The following PALLD variants were observed in gnomAD, a reference collection of about 807,000 sequenced individuals.
PALLD encodes the protein palladin, cytoskeletal associated protein.
Under a neutral mutation model 123.5 loss-of-function variants are expected in PALLD, and 61 were observed. That is an observed-to-expected ratio of 0.49 (90% CI 0.40 to 0.61). The LOEUF is 0.61. Ranked by LOEUF, PALLD falls within the 20% of genes least tolerant of loss-of-function variation. PALLD has a pLI of 0.00. For synonymous variants in PALLD, 465 were observed against 496.4 expected, an observed-to-expected ratio of 0.94 and a Z score of 0.84; for missense variants, 1,273 against 1,377.0, an observed-to-expected ratio of 0.92 and a Z score of 1.20.
At chr4:168,714,154 G>A (rs1337084242) in intron 10 of PALLD, among the ~76,000 whole-genome samples, 1 of 151,772 alleles carries the variant, frequency 6.6e-6, no homozygotes, top group African/African-American at 2.4e-5. Context: ...CAAAATCAGT[G>A]GATGCTTGAT....
At chr4:168,832,220 T>C in intron 10 of PALLD, 1 of 983,244 alleles carries the variant, frequency 1.0e-6, no homozygotes, top group African/African-American at 1.7e-5. Context: ...ATGTGTGAAT[T>C]AAAGGGAGTG....
At chr4:168,702,087 C>T (rs1783730034) in intron 8 of PALLD, among the ~76,000 whole-genome samples, 1 of 152,196 alleles carries the variant, frequency 6.6e-6, no homozygotes. Context: ...GTTTTTTCAG[C>T]ATCGGGAAAC....
intron 2 of PALLD, among the ~76,000 whole-genome samples, chr4:168,587,368 A>G (rs1342133269): frequency 1.3e-5 from 2 of 152,200 alleles, no homozygotes; most frequent in African/African-American, 4.8e-5. Context: ...TTGGTTTGCT[A>G]GAACACACCA....
At chr4:168,635,676 C>T (rs776250842) in intron 2 of PALLD, among the ~76,000 whole-genome samples, 6 of 152,220 alleles carry the variant, frequency 3.9e-5, no homozygotes, top group Non-Finnish European at 8.8e-5. Context: ...AGTCCCTTGG[C>T]AGCCATCAAC....
chr4:168,741,269 T>C (rs556935664), intron 10 of PALLD, among the ~76,000 whole-genome samples: 1 of 152,360 alleles, frequency 6.6e-6, no homozygotes, highest in Admixed American at 6.5e-5. Flanking sequence ...TTCATCGCTA[T>C]AATATGAGGT....
chr4:168,595,088 T>A (rs1036014429), intron 2 of PALLD, among the ~76,000 whole-genome samples: 2 of 152,162 alleles, frequency 1.3e-5, no homozygotes, highest in South Asian at 4.1e-4. Context: ...CAAAAGACTA[T>A]GGATTAGAGA....
intron 10 of PALLD, among the ~76,000 whole-genome samples, chr4:168,811,737 GTCTCTCTTTCTC>G (rs1464051025): frequency 5.4e-4 from 79 of 145,240 alleles, no homozygotes; most frequent in African/African-American, 2.0e-3. Flanking sequence ...GCAAGACCCT[GTCTCTCTTTCTC>G]TCTCTCTTTC....
chr4:168,791,650 C>T lies in PALLD; in HGVS notation c.1964+79727C>T, dbSNP rs569284090. ...CGTAAGGATTATGGGGATTACAATT[C>T]AAGATGCGATTTTGGGTGGCGACAC... is the stretch of plus-strand genomic sequence containing the variant. On this transcript the variant is annotated intron_variant, in intron 10 of 21. Coordinates refer to ENST00000505667, the MANE Select transcript of PALLD (RefSeq NM_001166108.2). 2.0e-4 allele frequency among the ~76,000 whole-genome samples: 30 copies of T among 152,260 alleles called. 1 individual carries two copies. The highest frequency in any genetic ancestry group is 7.0e-4 in the African/African-American group (29 of 41,550).
intron 2 of PALLD, among the ~76,000 whole-genome samples, chr4:168,651,457 A>G (rs1474407433): frequency 2.0e-5 from 3 of 152,192 alleles, no homozygotes; most frequent in Non-Finnish European, 4.4e-5. Context: ...TGTCACAAAC[A>G]TGCATCAAAG....
intron 10 of PALLD, among the ~76,000 whole-genome samples, chr4:168,768,084 CCT>C (rs1171129690): frequency 6.6e-6 from 1 of 152,188 alleles, no homozygotes; most frequent in Non-Finnish European, 1.5e-5. Flanking sequence ...TCAAATGTTA[CCT>C]CTTCCGTGAA....
At chr4:168,578,713 A>G (rs1452181710) in intron 2 of PALLD, among the ~76,000 whole-genome samples, 1 of 152,108 alleles carries the variant, frequency 6.6e-6, no homozygotes, top group Non-Finnish European at 1.5e-5. Flanking sequence ...AGATTGATAG[A>G]ATAGACAGAT....
At chr4:168,570,584 C>T (rs761611423) in intron 2 of PALLD, among the ~76,000 whole-genome samples, 5 of 152,118 alleles carry the variant, frequency 3.3e-5, no homozygotes, top group Non-Finnish European at 5.9e-5. Context: ...CCATGTTTAT[C>T]TTCTGAGATA....
rs1677097938 is a variant in PALLD at position 168,695,201 on chromosome 4, C to T, written c.1501+3909C>T. The stretch of plus-strand genomic sequence containing the variant: ...ACGGTAGAGTCTAGGCTTTGATTCT[C>T]TGATTCAAAATATAAAGTAAGTTAC... On this transcript the variant is annotated intron_variant, in intron 8 of 21. Coordinates refer to ENST00000505667, the MANE Select transcript of PALLD (RefSeq NM_001166108.2). 2.6e-5 allele frequency among the ~76,000 whole-genome samples: 4 copies of T among 152,256 alleles called. No homozygotes were observed. The South Asian group carries it at 8.3e-4, about 32-fold the overall frequency.
intron 8 of PALLD, among the ~76,000 whole-genome samples, chr4:168,695,020 G>A (rs570423165): frequency 6.6e-6 from 1 of 152,276 alleles, no homozygotes; most frequent in African/African-American, 2.4e-5. Flanking sequence ...GCCACAAACT[G>A]TGTTGAGTTA....
At chr4:168,580,345 T>C (rs1045278768) in intron 2 of PALLD, among the ~76,000 whole-genome samples, 6 of 151,734 alleles carry the variant, frequency 4.0e-5, no homozygotes, top group Non-Finnish European at 5.9e-5. Context: ...AAAGAAGACA[T>C]ACATGTGGCC....
chr4:168,860,340 T>G (rs2173811), intron 10 of PALLD, among the ~76,000 whole-genome samples: 142,237 of 152,268 alleles, frequency 0.93, 66,531 homozygotes, highest in East Asian at 1. Context: ...GACTCCCAGG[T>G]CTGGAGTCGG....
chr4:168,604,511 A>G (rs1347265067), intron 2 of PALLD, among the ~76,000 whole-genome samples: 2 of 152,232 alleles, frequency 1.3e-5, no homozygotes, highest in Admixed American at 1.3e-4. Context: ...GACATAACAA[A>G]TAGAGCATAG....
At chr4:168,665,243 A>G (rs1014816578) in intron 2 of PALLD, among the ~76,000 whole-genome samples, 1 of 152,156 alleles carries the variant, frequency 6.6e-6, no homozygotes, top group African/African-American at 2.4e-5. Flanking sequence ...TCCATGTTAT[A>G]CTGAAATTAG....
intron 2 of PALLD, among the ~76,000 whole-genome samples, chr4:168,558,672 C>T (rs922441640): frequency 6.6e-6 from 1 of 152,116 alleles, no homozygotes; most frequent in Admixed American, 6.6e-5. Context: ...CTCAGATACA[C>T]GTGGGTACCC....
Sources: gnomAD v4.1 joint callset for allele counts (sites outside exome capture counted in the v4.1 genomes callset) on GRCh38, gnomAD v4.1.1 for gene constraint, MANE v1.5 for transcripts, NCBI Gene and HGNC (gene_info 2026-07-23, HGNC 2026-07-21) for gene names.